The following GALNT9 variants were observed in gnomAD, a reference collection of about 807,000 sequenced individuals.
The protein encoded by GALNT9 is polypeptide N-acetylgalactosaminyltransferase 9, also known as GalNAc transferase 9.
In GALNT9, 47 loss-of-function variants were observed where a neutral mutation model predicts 63.1. That is an observed-to-expected ratio of 0.75 (90% CI 0.59 to 0.95). The LOEUF is 0.95. GALNT9 is among the 40% of genes least tolerant of loss of function. The pLI is 0.00. For missense variants in GALNT9, 829 were observed against 874.8 expected (o/e 0.95, Z 0.66); for synonymous variants, 396 against 365.7 (o/e 1.08, Z -0.94).
chr12:132,247,469 G>A (rs1420944575), intron 6 of GALNT9: 2 of 386,886 alleles, frequency 5.2e-6, no homozygotes, highest in East Asian at 7.1e-5. Context: ...GGGACCCTGG[G>A]AGCCTTGGCC....
At chr12:132,243,225 C>A (rs1336584372) in intron 6 of GALNT9, among the ~76,000 whole-genome samples, 1 of 123,784 alleles carries the variant, frequency 8.1e-6, no homozygotes, top group African/African-American at 3.3e-5. Flanking sequence ...ATACCCATTA[C>A]ACACACGCCA....
chr12:132,203,232 C>T (rs1415208025), intron 7 of GALNT9, among the ~76,000 whole-genome samples: 5 of 152,186 alleles, frequency 3.3e-5, no homozygotes, highest in South Asian at 4.1e-4. Flanking sequence ...CTTCTAACCA[C>T]GGGGCAATTG....
intron 1 of GALNT9, among the ~76,000 whole-genome samples, chr12:132,290,359 C>T (rs902210996): frequency 1.3e-5 from 2 of 152,162 alleles, no homozygotes; most frequent in Non-Finnish European, 2.9e-5. Context: ...GCGGCCCCAC[C>T]CCTGCGGCAC....
rs1555245636 is a variant in GALNT9, at chr12:132,315,541, C to G, written c.238+13425G>C. 6.6e-6 allele frequency among the ~76,000 whole-genome samples: 1 copy of G among 152,236 alleles called. No individual in the cohort carries two copies. The highest frequency in any genetic ancestry group is 1.5e-5 in the Non-Finnish European group (1 of 68,044). On this transcript the variant is annotated intron_variant, in intron 1 of 10. Coordinates refer to ENST00000328957, the MANE Select transcript of GALNT9 (RefSeq NM_001122636.2). This position sits in a 1 kb window ranked among gnomAD's most constrained non-coding sequence, Gnocchi z 6.1. Reference sequence around the variant, plus strand: ...TTTCACGCCGGAGCTGCACGCAGAGCTGATGCGACTGAACTATTCTGTGGA... The same window carrying G: ...TTTCACGCCGGAGCTGCACGCAGAGGTGATGCGACTGAACTATTCTGTGGA...
chr12:132,276,332 TG>T, intron 2 of GALNT9: 1 of 155,126 alleles, frequency 6.4e-6, no homozygotes, highest in Non-Finnish European at 1.5e-5. Flanking sequence ...GAAAGAAACC[TG>T]GTAGCTGTTC....
At chr12:132,314,702 C>T (rs78946986) in intron 1 of GALNT9, among the ~76,000 whole-genome samples, 12,586 of 152,234 alleles carry the variant, frequency 0.083, 623 homozygotes, top group African/African-American at 0.14. Context: ...GGCAGCTGCT[C>T]AGGGCACTGG....
chr12:132,292,197 C>T lies in GALNT9; in HGVS notation c.239-5767G>A, dbSNP rs147702033. On this transcript the variant is annotated intron_variant, in intron 1 of 10. Transcript: ENST00000328957. ...CCATCTAAAATCATCCCCTCCGCTA[C>T]GCTCTCTGCTTCCCCTCAACGTGCA... Among the ~76,000 whole-genome samples the T allele has an allele frequency of 3.6e-3, 547 of 152,368 alleles. 1 individual carries two copies. Among genetic ancestry groups the T allele is most frequent in the African/African-American group, 0.012 (513 of 41,590 alleles).
intron 1 of GALNT9, among the ~76,000 whole-genome samples, chr12:132,313,879 C>T (rs181307515): frequency 7.4e-6 from 1 of 135,288 alleles, no homozygotes; most frequent in South Asian, 2.6e-4. Flanking sequence ...CCCATCCATC[C>T]GTACATACAT....
At chr12:132,304,214 T>C (rs188834522) in intron 1 of GALNT9, among the ~76,000 whole-genome samples, 128 of 10,882 alleles carry the variant, frequency 0.012, 3 homozygotes, top group Non-Finnish European at 0.018. Context: ...CGCCCTCACC[T>C]GGGCACATCC....
At chr12:132,227,262 C>T (rs1245041836) in intron 6 of GALNT9, among the ~76,000 whole-genome samples, 2 of 152,184 alleles carry the variant, frequency 1.3e-5, no homozygotes, top group Admixed American at 6.5e-5. Flanking sequence ...AGCTCGTCAG[C>T]AGAACCCCGG....
At chr12:132,250,040 C>T (rs1878848979) in intron 5 of GALNT9, among the ~76,000 whole-genome samples, 1 of 152,238 alleles carries the variant, frequency 6.6e-6, no homozygotes, top group Admixed American at 6.5e-5. Context: ...CGACTCAGCC[C>T]AGCAGCCACG....
chr12:132,280,617 G>C (rs1417876993), intron 2 of GALNT9: 1 of 152,322 alleles, frequency 6.6e-6, no homozygotes, highest in Non-Finnish European at 1.5e-5. Context: ...GTAGGGAGGA[G>C]GCTGGCAGGC....
intron 1 of GALNT9, among the ~76,000 whole-genome samples, chr12:132,290,716 T>G (rs1301179705): frequency 4.0e-3 from 123 of 31,058 alleles, no homozygotes; most frequent in Admixed American, 5.8e-3. Context: ...CACGTCCACA[T>G]CACCCACGTC....
At position 132,319,302 on chromosome 12, in the gene GALNT9, C is replaced by T. The variant is rs563834763; in HGVS notation, c.238+9664G>A. Among the ~76,000 whole-genome samples the T allele has an allele frequency of 1.9e-3, 289 of 152,262 alleles. No individual in the cohort carries two copies. The highest frequency in any genetic ancestry group is 3.5e-3 in the Non-Finnish European group (239 of 68,020). On this transcript the variant is annotated intron_variant, in intron 1 of 10. Coordinates refer to ENST00000328957, the MANE Select transcript of GALNT9 (RefSeq NM_001122636.2). This position sits in a 1 kb window ranked among gnomAD's most constrained non-coding sequence, Gnocchi z 5.2. The stretch of plus-strand genomic sequence containing the variant: ...AGGGATCAGCCCCTTCTCGGAGGCC[C>T]GGCTGGAACAGAAAGGCAGAGGAGG...
intron 2 of GALNT9, chr12:132,275,259 G>C (rs1303982240): frequency 6.6e-6 from 1 of 152,322 alleles, no homozygotes; most frequent in Non-Finnish European, 1.5e-5. Context: ...CTAAGTAGCT[G>C]GGTGGAGTTC....
chr12:132,240,797 C>A (rs1474676258), intron 6 of GALNT9: 3 of 443,914 alleles, frequency 6.8e-6, no homozygotes, highest in South Asian at 3.2e-5. Flanking sequence ...CATGTTTACA[C>A]ACATGCCACA....
rs1056962156 is a variant in GALNT9 at position 132,253,560 on chromosome 12, C to T, written c.959+4129G>A. Among the ~76,000 whole-genome samples, 29 of 152,166 alleles carry T rather than the reference C, an allele frequency of 1.9e-4. No homozygotes were observed. The South Asian group carries it at 4.4e-3, about 23-fold the overall frequency. ...ATGCAACAAAGAGTAATATTAAAAG[C>T]TAATGATTAATAATGTTTATAATAA... On this transcript the variant is annotated intron_variant, in intron 5 of 10. Coordinates refer to ENST00000328957, the MANE Select transcript of GALNT9 (RefSeq NM_001122636.2).
At chr12:132,229,523 C>G (rs1013434814) in intron 6 of GALNT9, among the ~76,000 whole-genome samples, 2 of 152,366 alleles carry the variant, frequency 1.3e-5, no homozygotes, top group South Asian at 4.1e-4. Flanking sequence ...CCACACCCCG[C>G]GGCAGGCCCC....
intron 1 of GALNT9, among the ~76,000 whole-genome samples, chr12:132,292,682 G>A (rs1017033052): frequency 7.2e-5 from 11 of 152,212 alleles, no homozygotes; most frequent in African/African-American, 2.7e-4. Context: ...CTGCCTCCTG[G>A]GCCAGAGCTA....
Sources: allele counts gnomAD v4.1 joint callset (sites outside exome capture counted in the v4.1 genomes callset), GRCh38; gene constraint gnomAD v4.1.1; non-coding constraint Gnocchi (gnomAD v3.1); transcripts MANE v1.5; gene names NCBI Gene and HGNC (gene_info 2026-07-23, HGNC 2026-07-21).